The following SRBD1 variants were observed in gnomAD, a reference collection of about 807,000 sequenced individuals.
SRBD1 encodes S1 RNA binding domain 1, also known as S1 RNA-binding domain-containing protein 1.
Under a neutral mutation model 115.3 loss-of-function variants are expected in SRBD1, and 88 were observed. The ratio of observed to expected loss-of-function variants is 0.76; its 90% CI spans 0.64 to 0.91. The LOEUF (loss-of-function observed/expected upper bound fraction) is 0.91. SRBD1 is among the 40% of genes least tolerant of loss of function. SRBD1 has a pLI of 0.00. For missense variants in SRBD1, 1,385 were observed against 1,177.4 expected (o/e 1.18, Z -2.58); for synonymous variants, 509 against 407.7 (o/e 1.25, Z -2.99).
At chr2:45,482,958 C>T (rs6752909) in intron 15 of SRBD1, among the ~76,000 whole-genome samples, 126,643 of 152,138 alleles carry the variant, frequency 0.83, 53,388 homozygotes, top group African/African-American at 0.92. Context: ...ATCTATATTA[C>T]TTTTATTGCT....
intron 16 of SRBD1, among the ~76,000 whole-genome samples, chr2:45,459,334 C>A (rs1572663735): frequency 6.6e-6 from 1 of 152,260 alleles, no homozygotes; most frequent in South Asian, 2.1e-4. Context: ...AGGCAATGGG[C>A]CTTCACTTCC....
chr2:45,541,511 G>T (rs1375882938), intron 14 of SRBD1, among the ~76,000 whole-genome samples: 1 of 152,252 alleles, frequency 6.6e-6, no homozygotes, highest in African/African-American at 2.4e-5. Flanking sequence ...ACAACTGGAG[G>T]GTGAGCAAGG....
intron 13 of SRBD1, 98 bp downstream of exon 13, chr2:45,547,424 G>A (rs1672155291): frequency 5.9e-6 from 6 of 1,018,802 alleles, no homozygotes; most frequent in Non-Finnish European, 8.7e-6. Flanking sequence ...CTCTCACAAA[G>A]GCACCTCCCT....
chr2:45,539,639 C>T (rs544561717), intron 14 of SRBD1, among the ~76,000 whole-genome samples: 2 of 152,300 alleles, frequency 1.3e-5, no homozygotes, highest in East Asian at 1.9e-4. Context: ...CCTAAATTCA[C>T]ACTACCTGGG....
At chr2:45,603,757 T>C (rs1196428936) in intron 2 of SRBD1, among the ~76,000 whole-genome samples, 1 of 152,124 alleles carries the variant, frequency 6.6e-6, no homozygotes, top group East Asian at 1.9e-4. Context: ...TCCGGACTCC[T>C]GGCCTCAAGT....
chr2:45,431,049 C>G (rs1043327573), intron 16 of SRBD1, among the ~76,000 whole-genome samples: 3 of 152,188 alleles, frequency 2.0e-5, no homozygotes, highest in African/African-American at 7.2e-5. Flanking sequence ...AGCTCATCAT[C>G]ACTGGTCATT....
chr2:45,564,391 A>G (rs1672762508), intron 9 of SRBD1, among the ~76,000 whole-genome samples: 1 of 152,180 alleles, frequency 6.6e-6, no homozygotes, highest in African/African-American at 2.4e-5. Flanking sequence ...CACTCTCACA[A>G]CATTGTACTG....
At chr2:45,571,537 A>AAAAAAAC (rs1553356650) in intron 9 of SRBD1, among the ~76,000 whole-genome samples, 223 of 143,728 alleles carry the variant, frequency 1.6e-3, no homozygotes, top group East Asian at 4.7e-3. Context: ...AAAAAAAAAA[A>AAAAAAAC]AAAAACTGTC....
chr2:45,563,759 G>A (rs1672742319), intron 9 of SRBD1, among the ~76,000 whole-genome samples: 1 of 151,884 alleles, frequency 6.6e-6, no homozygotes, highest in Non-Finnish European at 1.5e-5. Context: ...AAAAGAAACA[G>A]AAAATCTGAA....
chr2:45,467,650 A>G (rs925803991), intron 16 of SRBD1, among the ~76,000 whole-genome samples: 53 of 152,232 alleles, frequency 3.5e-4, no homozygotes, highest in African/African-American at 1.2e-3. Flanking sequence ...GATAGTGTCA[A>G]AACTGTGCCT....
chr2:45,585,555 C>T, intron 5 of SRBD1, 53 bp downstream of exon 5: 1 of 1,542,190 alleles, frequency 6.5e-7, no homozygotes, highest in African/African-American at 1.4e-5. Context: ...TCTCACTGTT[C>T]CTCATTGGCC....
chr2:45,419,419 T>A (rs767750963), intron 17 of SRBD1, among the ~76,000 whole-genome samples: 2 of 152,214 alleles, frequency 1.3e-5, no homozygotes, highest in Non-Finnish European at 2.9e-5. Flanking sequence ...AATTTATCTT[T>A]TGGTTACTGC....
intron 14 of SRBD1, among the ~76,000 whole-genome samples, chr2:45,505,651 T>C (rs949758776): frequency 1.3e-5 from 2 of 152,202 alleles, no homozygotes; most frequent in Non-Finnish European, 2.9e-5. Context: ...TCTCCTGCAT[T>C]TGCACAATAC....
At chr2:45,465,067 G>T (rs1347623854) in intron 16 of SRBD1, among the ~76,000 whole-genome samples, 1 of 150,194 alleles carries the variant, frequency 6.7e-6, no homozygotes, top group African/African-American at 2.5e-5. Flanking sequence ...CCCCTGGTAT[G>T]GGGGATTTTT....
At chr2:45,577,107 C>G (rs563685923) in intron 7 of SRBD1, among the ~76,000 whole-genome samples, 1 of 152,158 alleles carries the variant, frequency 6.6e-6, no homozygotes, top group Non-Finnish European at 1.5e-5. Context: ...TAAAAAACTG[C>G]CACTAGGGAA....
chr2:45,414,729 CAGTGTGTATATAGTATGT>C (rs1558563353), intron 18 of SRBD1, among the ~76,000 whole-genome samples: 8,500 of 137,220 alleles, frequency 0.062, 712 homozygotes, highest in African/African-American at 0.12. Context: ...TACACACACA[CAGTGTGTATATAGTATGT>C]ACACACACAC....
rs80223489 is a variant in SRBD1 at position 45,425,156 on chromosome 2, T to C, written c.2050-5262A>G. 2.7e-3 allele frequency among the ~76,000 whole-genome samples: 407 copies of C among 152,302 alleles called. 2 individuals are homozygous for C. Among genetic ancestry groups the C allele is most frequent in the African/African-American group, 9.3e-3 (388 of 41,580 alleles). ...GGCCACTTTGAGTAAGGATCTCTGA[T>C]GTTTTTCCAATTGAAGCAGTCACCT... On this transcript the variant is annotated intron_variant, in intron 16 of 20. Coordinates refer to ENST00000263736, the MANE Select transcript of SRBD1 (RefSeq NM_018079.5).
chr2:45,547,481 C>G (rs771121334), intron 13 of SRBD1, 41 bp downstream of exon 13: 1 of 1,561,316 alleles, frequency 6.4e-7, no homozygotes, highest in Admixed American at 1.7e-5. Context: ...CTCTGGTTGA[C>G]TGAGCCACTG....
chr2:45,608,314 G>C (rs1674337085), intron 1 of SRBD1, among the ~76,000 whole-genome samples: 2 of 152,146 alleles, frequency 1.3e-5, no homozygotes, highest in Non-Finnish European at 2.9e-5. Context: ...AAGGAAAGGT[G>C]GGAAAGCAGA....
Sources: gnomAD v4.1 joint callset for allele counts (sites outside exome capture counted in the v4.1 genomes callset) on GRCh38, gnomAD v4.1.1 for gene constraint, MANE v1.5 for transcripts, NCBI Gene and HGNC (gene_info 2026-07-23, HGNC 2026-07-21) for gene names.